The following SPATS2L variants were observed in gnomAD, a reference collection of about 807,000 sequenced individuals.
SPATS2L encodes SPATS2-like protein.
In SPATS2L, 30 loss-of-function variants were observed where a neutral mutation model predicts 59.6. That is an observed-to-expected ratio of 0.50 (90% confidence interval 0.38 to 0.68). The LOEUF (loss-of-function observed/expected upper bound fraction) is 0.68. Among genes scored for constraint, SPATS2L ranks in the 30% least tolerant of loss-of-function variants. The pLI is 0.00. For synonymous variants in SPATS2L, 252 were observed against 263.5 expected (o/e 0.96, Z 0.42); for missense variants, 615 against 700.0 (o/e 0.88, Z 1.37).
chr2:200,388,207 G>T (rs1219432369), intron 2 of SPATS2L, among the ~76,000 whole-genome samples: 1 of 152,154 alleles, frequency 6.6e-6, no homozygotes, highest in African/African-American at 2.4e-5. Context: ...TGGAGAGTAA[G>T]GCAGGAGAGG....
intron 2 of SPATS2L, among the ~76,000 whole-genome samples, chr2:200,340,973 C>T (rs1364868403): frequency 6.6e-6 from 1 of 152,136 alleles, no homozygotes; most frequent in African/African-American, 2.4e-5. Context: ...AGCAATGTAA[C>T]TGTTAAAGAT....
At chr2:200,470,674 C>T (rs1370647778) in intron 11 of SPATS2L, among the ~76,000 whole-genome samples, 3 of 152,314 alleles carry the variant, frequency 2.0e-5, no homozygotes, top group Admixed American at 6.5e-5. Flanking sequence ...TAGTCAATGA[C>T]GTGGAAACCC....
intron 2 of SPATS2L, among the ~76,000 whole-genome samples, chr2:200,364,168 C>G (rs1038052719): frequency 1.3e-5 from 2 of 152,118 alleles, no homozygotes; most frequent in African/African-American, 2.4e-5. Flanking sequence ...ACAGATCCTT[C>G]TCTAGAGCTT....
At chr2:200,333,019 G>T (rs1450258817) in intron 2 of SPATS2L, among the ~76,000 whole-genome samples, 2 of 152,100 alleles carry the variant, frequency 1.3e-5, no homozygotes, top group African/African-American at 4.8e-5. Flanking sequence ...GTTAGCTCAT[G>T]CCTGTAATAC....
At position 200,332,857 on chromosome 2, in the gene SPATS2L, A is replaced by G. The variant is rs1028049276; in HGVS notation, c.-23+3377A>G. Among the ~76,000 whole-genome samples, 5 of 151,896 alleles carry G rather than the reference A, an allele frequency of 3.3e-5. No individual in the cohort carries two copies. The East Asian group carries it at 9.7e-4, about 29-fold the overall frequency. ...ATATGCATCCAGAGATGTGTAAAAT[A>G]TTCTCTATCAGTAGGAGAATAGATT... On this transcript the variant is annotated intron_variant, in intron 2 of 12. Coordinates refer to ENST00000409140, the MANE Select transcript of SPATS2L (RefSeq NM_001100423.2).
intron 3 of SPATS2L, among the ~76,000 whole-genome samples, chr2:200,395,746 A>C (rs1164142274): frequency 1.3e-5 from 2 of 151,958 alleles, no homozygotes; most frequent in Admixed American, 1.3e-4. Flanking sequence ...GAGGCCTGGC[A>C]TGGTGGCTCA....
At chr2:200,358,881 G>A (rs1036484464) in intron 2 of SPATS2L, among the ~76,000 whole-genome samples, 7 of 151,958 alleles carry the variant, frequency 4.6e-5, no homozygotes, top group African/African-American at 1.7e-4. Flanking sequence ...CTAGCTACTC[G>A]AGAGGCTGAA....
chr2:200,452,990 C>T (rs2085574183), intron 8 of SPATS2L, among the ~76,000 whole-genome samples: 1 of 152,050 alleles, frequency 6.6e-6, no homozygotes, highest in Non-Finnish European at 1.5e-5. Context: ...AGGTGACAGA[C>T]CCGGGAATTC....
At chr2:200,412,877 C>T (rs2082927591) in intron 4 of SPATS2L, among the ~76,000 whole-genome samples, 1 of 151,616 alleles carries the variant, frequency 6.6e-6, no homozygotes, top group African/African-American at 2.4e-5. Context: ...CATGGTGAAA[C>T]CCCGTCTCTA....
At chr2:200,396,033 A>AAAAAT (rs1553520464) in intron 3 of SPATS2L, among the ~76,000 whole-genome samples, 72 of 21,116 alleles carry the variant, frequency 3.4e-3, no homozygotes, top group Non-Finnish European at 5.0e-3. Flanking sequence ...AAAAAAAAAA[A>AAAAAT]ATATATATAT....
At chr2:200,375,816 A>AG (rs1381219831) in intron 2 of SPATS2L, among the ~76,000 whole-genome samples, 2 of 152,086 alleles carry the variant, frequency 1.3e-5, no homozygotes, top group African/African-American at 4.8e-5. Flanking sequence ...TAGTAGAGAC[A>AG]GGGTTTCACC....
At chr2:200,369,031 A>G (rs1225222783) in intron 2 of SPATS2L, among the ~76,000 whole-genome samples, 1 of 151,882 alleles carries the variant, frequency 6.6e-6, no homozygotes, top group Admixed American at 6.6e-5. Context: ...TCCAAGTCTA[A>G]CAGTCCATAA....
At chr2:200,423,937 G>T (rs1343779544) in intron 6 of SPATS2L, among the ~76,000 whole-genome samples, 2 of 152,172 alleles carry the variant, frequency 1.3e-5, no homozygotes, top group Non-Finnish European at 2.9e-5. Flanking sequence ...TGGCTCAGGG[G>T]TGTTAGTGTG....
intron 1 of SPATS2L, among the ~76,000 whole-genome samples, chr2:200,312,272 A>C (rs2079216352): frequency 6.6e-6 from 1 of 152,178 alleles, no homozygotes; most frequent in South Asian, 2.1e-4. Context: ...TAATGTAAAT[A>C]ATGAGAGGTG....
intron 10 of SPATS2L, 134 bp from the exon 11 acceptor site, chr2:200,469,780 G>C: frequency 1.5e-6 from 1 of 655,526 alleles, no homozygotes; most frequent in Non-Finnish European, 2.6e-6. Context: ...GAGCCTCCCA[G>C]CAACAGGGCT....
At chr2:200,341,288 G>C (rs931919533) in intron 2 of SPATS2L, among the ~76,000 whole-genome samples, 31 of 152,174 alleles carry the variant, frequency 2.0e-4, no homozygotes, top group African/African-American at 7.5e-4. Context: ...TGTGACTTCA[G>C]CACCTATGTT....
Position 200,306,746 on chromosome 2 carries a change from CTG to C in SPATS2L, c.-248_-247del, listed in dbSNP as rs71022316. ...GGGGCCGAGCTGGCTGCGCCCTCCG[CTG>C]CAAGCGCCGGCAGCGCGGGGCGAGC... On this transcript the variant is annotated 5_prime_UTR_variant, in exon 1 of 13. Transcript: ENST00000409140. The C allele has an allele frequency of 0.42, 413,987 of 982,916 alleles. 89,712 individuals are homozygous for C. Among genetic ancestry groups the C allele is most frequent in the East Asian group, 0.72 (6,188 of 8,540 alleles). The allele number at this position is 982,916 out of a possible 1,614,324, so 60.9% of individuals were successfully genotyped here.
At chr2:200,442,741 A>G (rs1010610339) in intron 8 of SPATS2L, among the ~76,000 whole-genome samples, 9 of 152,216 alleles carry the variant, frequency 5.9e-5, no homozygotes, top group Admixed American at 2.0e-4. Context: ...CACATGGGTC[A>G]TGAGACATCT....
chr2:200,413,870 A>G (rs535358712), intron 4 of SPATS2L, among the ~76,000 whole-genome samples: 1 of 152,334 alleles, frequency 6.6e-6, no homozygotes, highest in African/African-American at 2.4e-5. Context: ...TTCCTGCTTC[A>G]TATACTAAGA....
Sources: gnomAD v4.1 joint callset for allele counts (sites outside exome capture counted in the v4.1 genomes callset) on GRCh38, gnomAD v4.1.1 for gene constraint, MANE v1.5 for transcripts, NCBI Gene and HGNC (gene_info 2026-07-23, HGNC 2026-07-21) for gene names.